The following ADAM22 variants were observed in gnomAD, a reference collection of about 807,000 sequenced individuals.
The protein encoded by ADAM22 is disintegrin and metalloproteinase domain-containing protein 22.
In ADAM22, 65 loss-of-function variants were observed where a neutral mutation model predicts 144.6. That is an observed-to-expected ratio of 0.45 (90% CI 0.37 to 0.55). The LOEUF (loss-of-function observed/expected upper bound fraction) is 0.55, where lower values mean the gene tolerates loss of function less well. Among genes scored for constraint, ADAM22 ranks in the 20% least tolerant of loss-of-function variants. The pLI, the probability that ADAM22 is intolerant of heterozygous loss-of-function variation, is 0.00. For synonymous variants in ADAM22, 391 were observed against 412.6 expected (o/e 0.95, Z 0.63); for missense variants, 974 against 1,184.9 (o/e 0.82, Z 2.61).
At chr7:88,138,716 A>C (rs1586084640) in intron 14 of ADAM22, among the ~76,000 whole-genome samples, 1 of 152,238 alleles carries the variant, frequency 6.6e-6, no homozygotes, top group South Asian at 2.1e-4. Context: ...CAGAGGCAGG[A>C]GAGAGACATG....
At chr7:87,939,004 G>A (rs1841935572) in intron 2 of ADAM22, among the ~76,000 whole-genome samples, 1 of 152,192 alleles carries the variant, frequency 6.6e-6, no homozygotes, top group Admixed American at 6.5e-5. Flanking sequence ...ATGCAAGACT[G>A]TGGGCATTTA....
intron 3 of ADAM22, among the ~76,000 whole-genome samples, chr7:88,066,613 A>G (rs1236114054): frequency 6.6e-6 from 1 of 152,178 alleles, no homozygotes; most frequent in Non-Finnish European, 1.5e-5. Flanking sequence ...TAATTAATTA[A>G]GAGAAAACAT....
chr7:88,121,307 TG>T (rs748988509), intron 7 of ADAM22, among the ~76,000 whole-genome samples: 1 of 152,182 alleles, frequency 6.6e-6, no homozygotes, highest in Non-Finnish European at 1.5e-5. Flanking sequence ...ATTAAAAGTA[TG>T]GGTTAATGGG....
intron 26 of ADAM22, among the ~76,000 whole-genome samples, chr7:88,175,520 G>A (rs73395801): frequency 0.012 from 1,796 of 152,200 alleles, 27 homozygotes; most frequent in African/African-American, 0.04. Context: ...GGAGAGATAC[G>A]TTTTGAGGGG....
intron 7 of ADAM22, among the ~76,000 whole-genome samples, chr7:88,123,275 T>G (rs1168415696): frequency 6.6e-6 from 1 of 152,068 alleles, no homozygotes; most frequent in African/African-American, 2.4e-5. Context: ...TAAGATGTGT[T>G]AGGAAAAGTT....
At chr7:88,032,850 C>T (rs970034625) in intron 3 of ADAM22, among the ~76,000 whole-genome samples, 7 of 152,158 alleles carry the variant, frequency 4.6e-5, no homozygotes, top group Admixed American at 2.6e-4. Flanking sequence ...CCCCTTTGCT[C>T]CCTGTCTCTC....
At chr7:88,074,884 G>A (rs2129480105) in intron 3 of ADAM22, among the ~76,000 whole-genome samples, 1 of 152,078 alleles carries the variant, frequency 6.6e-6, no homozygotes, top group African/African-American at 2.4e-5. Context: ...GTTTTTAGTT[G>A]GCTCAATGTC....
At chr7:87,974,453 T>C (rs2129448004) in intron 2 of ADAM22, among the ~76,000 whole-genome samples, 1 of 152,326 alleles carries the variant, frequency 6.6e-6, no homozygotes, top group South Asian at 2.1e-4. Flanking sequence ...ACATTTATTT[T>C]AGTGACCACC....
intron 14 of ADAM22, among the ~76,000 whole-genome samples, chr7:88,138,731 C>G (rs78294840): frequency 0.021 from 3,162 of 152,286 alleles, 125 homozygotes; most frequent in African/African-American, 0.072. Context: ...GACATGATAT[C>G]TGCCTTCAGA....
rs2129493015 is a variant in ADAM22, at chr7:88,120,826, T to C, written c.607+4012T>C. Among the ~76,000 whole-genome samples, 2 of 152,334 alleles carry C rather than the reference T, an allele frequency of 1.3e-5. 1 individual carries two copies. The highest frequency in any genetic ancestry group is 2.9e-5 in the Non-Finnish European group (2 of 68,028). On this transcript the variant is annotated intron_variant, in intron 7 of 31. Coordinates refer to ENST00000413139, the MANE Select transcript of ADAM22 (RefSeq NM_001324418.2). ...TTATTGCTTTCTCTATGCTAAGTAATTTTTGCTAGCTCCCAAGTTTTGAAG... is the reference window on the plus strand; with the variant it reads ...TTATTGCTTTCTCTATGCTAAGTAACTTTTGCTAGCTCCCAAGTTTTGAAG...
intron 22 of ADAM22, 42 bp downstream of exon 22, chr7:88,156,048 T>G (rs1839853857): frequency 4.4e-6 from 7 of 1,605,748 alleles, no homozygotes; most frequent in Non-Finnish European, 6.0e-6. Flanking sequence ...GTCATCTTAT[T>G]TCTCAGGAAT....
intron 22 of ADAM22, among the ~76,000 whole-genome samples, chr7:88,157,582 G>A (rs1297192151): frequency 1.3e-5 from 2 of 151,994 alleles, no homozygotes; most frequent in Non-Finnish European, 2.9e-5. Flanking sequence ...GAAAGAGAAA[G>A]ACAGGGAATA....
intron 14 of ADAM22, among the ~76,000 whole-genome samples, chr7:88,142,565 G>A (rs192611898): frequency 5.9e-5 from 9 of 152,242 alleles, no homozygotes; most frequent in East Asian, 1.9e-4. Flanking sequence ...TTGGCCGGGC[G>A]TGGTGGCTCA....
intron 3 of ADAM22, among the ~76,000 whole-genome samples, chr7:88,010,752 G>A (rs1282442641): frequency 6.6e-6 from 1 of 152,168 alleles, no homozygotes; most frequent in African/African-American, 2.4e-5. Flanking sequence ...AGGTCCCCCA[G>A]AAAAGCAGGG....
chr7:87,936,894 G>A (rs1459477335), intron 2 of ADAM22, among the ~76,000 whole-genome samples: 2 of 151,460 alleles, frequency 1.3e-5, no homozygotes, highest in Non-Finnish European at 2.9e-5. Flanking sequence ...TATATTTAGA[G>A]TATATATTTA....
In ADAM22 at chr7:88,103,335, T is replaced by G. The variant is rs150623235; in HGVS notation, c.391-4841T>G. Among the ~76,000 whole-genome samples the G allele has an allele frequency of 2.6e-3, 391 of 152,286 alleles. 3 individuals are homozygous for G. Among genetic ancestry groups the G allele is most frequent in the African/African-American group, 8.8e-3 (364 of 41,566 alleles). ...ATCTTGTCATATTTATAATAAATTC[T>G]ATTTTTCCTTTGAGATTTTGCTATC... On this transcript the variant is annotated intron_variant, in intron 4 of 31. Coordinates refer to ENST00000413139, the MANE Select transcript of ADAM22 (RefSeq NM_001324418.2).
intron 3 of ADAM22, among the ~76,000 whole-genome samples, chr7:88,025,086 C>G (rs1338908087): frequency 6.6e-6 from 1 of 152,148 alleles, no homozygotes; most frequent in Admixed American, 6.5e-5. Context: ...ATGGCTGGGT[C>G]AAATGGTATT....
At chr7:88,152,835 C>T (rs1176261646) in intron 20 of ADAM22, among the ~76,000 whole-genome samples, 2 of 152,008 alleles carry the variant, frequency 1.3e-5, no homozygotes, top group African/African-American at 4.8e-5. Context: ...CACACCACCA[C>T]ACCCAGCTAA....
chr7:88,003,184 TA>T (rs1371458523), intron 3 of ADAM22, among the ~76,000 whole-genome samples: 2 of 152,124 alleles, frequency 1.3e-5, no homozygotes, highest in African/African-American at 4.8e-5. Flanking sequence ...AGATCTGGAA[TA>T]AAAAAACTTA....
Sources: gnomAD v4.1 joint callset for allele counts (sites outside exome capture counted in the v4.1 genomes callset) on GRCh38, gnomAD v4.1.1 for gene constraint, MANE v1.5 for transcripts, NCBI Gene and HGNC (gene_info 2026-07-23, HGNC 2026-07-21) for gene names.